The following ADARB2 variants were observed in gnomAD, a reference collection of about 807,000 sequenced individuals.
The protein encoded by ADARB2 is inactive double-stranded RNA-specific editase B2.
A neutral mutation model predicts 62.2 loss-of-function variants in ADARB2; 25 were observed. The ratio of observed to expected loss-of-function variants is 0.40; its 90% CI spans 0.29 to 0.56. The LOEUF (loss-of-function observed/expected upper bound fraction) is 0.56, where lower values mean the gene tolerates loss of function less well. Ranked by LOEUF, ADARB2 falls within the 20% of genes least tolerant of loss-of-function variation. ADARB2 has a pLI of 0.43. For missense variants in ADARB2, 1,071 were observed against 1,077.4 expected (o/e 0.99, Z 0.08); for synonymous variants, 572 against 500.8 (o/e 1.14, Z -1.90).
intron 1 of ADARB2, among the ~76,000 whole-genome samples, chr10:1,639,710 C>CG (rs1564354935): frequency 6.6e-6 from 1 of 152,066 alleles, no homozygotes; most frequent in Non-Finnish European, 1.5e-5. Context: ...GGTGTGGTGG[C>CG]GGGCGCCTGT....
chr10:1,414,196 A>G (rs1832782776), intron 1 of ADARB2, among the ~76,000 whole-genome samples: 3 of 152,238 alleles, frequency 2.0e-5, no homozygotes, highest in Non-Finnish European at 1.5e-5. Context: ...TGGGGGGAAT[A>G]CAGTAAGCAC....
At chr10:1,355,065 A>G (rs1048287973) in intron 3 of ADARB2, among the ~76,000 whole-genome samples, 1 of 152,006 alleles carries the variant, frequency 6.6e-6, no homozygotes, top group South Asian at 2.1e-4. Context: ...GTCTCCAACC[A>G]CCAGGACATG....
intron 1 of ADARB2, among the ~76,000 whole-genome samples, chr10:1,379,497 G>C (rs1003783960): frequency 5.3e-5 from 8 of 152,288 alleles, no homozygotes; most frequent in Non-Finnish European, 1.2e-4. Flanking sequence ...GCCTTCTGTC[G>C]AGATCATTTC....
chr10:1,541,423 A>C (rs1472906554), intron 1 of ADARB2, among the ~76,000 whole-genome samples: 1 of 85,864 alleles, frequency 1.2e-5, no homozygotes, highest in Non-Finnish European at 2.3e-5. Flanking sequence ...GACCCCACTC[A>C]GACGCAGTTC....
At chr10:1,197,895 GGCTA>G (rs1222939909) in intron 8 of ADARB2, among the ~76,000 whole-genome samples, 1 of 152,108 alleles carries the variant, frequency 6.6e-6, no homozygotes, top group Non-Finnish European at 1.5e-5. Flanking sequence ...CTGTCAAAGT[GGCTA>G]TTTCATCTCA....
intron 4 of ADARB2, among the ~76,000 whole-genome samples, chr10:1,266,615 C>T (rs1831206601): frequency 6.6e-6 from 1 of 152,030 alleles, no homozygotes; most frequent in Admixed American, 6.5e-5. Flanking sequence ...GAAGGACCAG[C>T]CGGCCACCAC....
chr10:1,523,790 T>A (rs371573332), intron 1 of ADARB2, among the ~76,000 whole-genome samples: 3 of 152,346 alleles, frequency 2.0e-5, no homozygotes, highest in South Asian at 4.1e-4. Flanking sequence ...TCAGCACAAA[T>A]CTTGAACATT....
intron 1 of ADARB2, among the ~76,000 whole-genome samples, chr10:1,504,861 G>T (rs186997474): frequency 1.3e-5 from 2 of 152,010 alleles, no homozygotes; most frequent in African/African-American, 2.4e-5. Flanking sequence ...AATTACTCTG[G>T]ACTGAAATCC....
chr10:1,242,359 G>C, intron 4 of ADARB2, 60 bp from the exon 5 acceptor site: 2 of 1,485,838 alleles, frequency 1.3e-6, no homozygotes, highest in South Asian at 2.5e-5. Context: ...CCTCCTCCTC[G>C]GTCTTTTCAG....
chr10:1,411,204 G>C lies in ADARB2; in HGVS notation c.101-32044C>G, dbSNP rs140981424. 3.9e-3 allele frequency among the ~76,000 whole-genome samples: 597 copies of C among 152,314 alleles called. 1 individual carries two copies. The highest frequency in any genetic ancestry group is 0.013 in the African/African-American group (556 of 41,580). On this transcript the variant is annotated intron_variant, in intron 1 of 9. Coordinates refer to ENST00000381312, the MANE Select transcript of ADARB2 (RefSeq NM_018702.4). ...CCTCCGTGGGCCTAGAGAATCTCAG[G>C]GGCCTGGTTCAGGCCTTCTGCACCT... is the stretch of plus-strand genomic sequence containing the variant.
rs1169571227 is a variant in ADARB2 at position 1,183,228 on chromosome 10, G to T, written c.2185C>A (p.Pro729Thr). ...KAGLGTWVRK[P>T]PEQQQFLLTL ...AGTAGAAACTGCTGCTGCTCCGGTG[G>T]TTTCCTCACCCAGGTGCCCAGGCCA... Residue 729 changes from proline (P) to threonine (T), a missense_variant, in exon 10 of 10, where the codon CCA becomes ACA. Transcript: ENST00000381312. The T allele has an allele frequency of 6.2e-7, 1 of 1,613,676 alleles. No homozygotes were observed. The highest frequency in any genetic ancestry group is 8.5e-7 in the Non-Finnish European group (1 of 1,180,026).
intron 1 of ADARB2, among the ~76,000 whole-genome samples, chr10:1,532,593 C>T (rs1832260518): frequency 6.6e-6 from 1 of 152,144 alleles, no homozygotes; most frequent in South Asian, 2.1e-4. Context: ...GCATTGGGTG[C>T]TGCCCCAGTG....
At chr10:1,411,925 C>T (rs1832763305) in intron 1 of ADARB2, among the ~76,000 whole-genome samples, 1 of 152,186 alleles carries the variant, frequency 6.6e-6, no homozygotes, top group African/African-American at 2.4e-5. Context: ...ACATAAAGAC[C>T]TGAAAACTGC....
At chr10:1,516,482 T>A (rs557771585) in intron 1 of ADARB2, among the ~76,000 whole-genome samples, 2 of 152,178 alleles carry the variant, frequency 1.3e-5, no homozygotes, top group Admixed American at 1.3e-4. Flanking sequence ...TTGTGTGGGC[T>A]GCTCTGTGCT....
chr10:1,627,313 C>T (rs900449107), intron 1 of ADARB2, among the ~76,000 whole-genome samples: 5 of 152,130 alleles, frequency 3.3e-5, no homozygotes, highest in Non-Finnish European at 7.4e-5. Flanking sequence ...AGAGCAGGGC[C>T]CATCTGTGCA....
At chr10:1,696,210 C>T (rs895503914) in intron 1 of ADARB2, among the ~76,000 whole-genome samples, 1 of 151,816 alleles carries the variant, frequency 6.6e-6, no homozygotes, top group Non-Finnish European at 1.5e-5. Context: ...CGTTTATATG[C>T]CTGTGTATAT....
intron 3 of ADARB2, among the ~76,000 whole-genome samples, chr10:1,331,196 T>G (rs939420659): frequency 9.2e-5 from 14 of 152,220 alleles, no homozygotes; most frequent in Non-Finnish European, 1.8e-4. Flanking sequence ...TGCAACCAGC[T>G]TGGAAATTTC....
chr10:1,576,330 G>A (rs1393624041), intron 1 of ADARB2, among the ~76,000 whole-genome samples: 2 of 149,304 alleles, frequency 1.3e-5, no homozygotes, highest in African/African-American at 5.0e-5. Context: ...GGGTCTCAGG[G>A]TCACAGGATG....
chr10:1,228,286 T>G (rs1006478383), intron 6 of ADARB2, among the ~76,000 whole-genome samples: 6 of 152,214 alleles, frequency 3.9e-5, no homozygotes, highest in African/African-American at 1.2e-4. Context: ...GAACTGAGTT[T>G]ACCAGGTTAT....
Sources: gnomAD v4.1 joint callset for allele counts (sites outside exome capture counted in the v4.1 genomes callset) on GRCh38, gnomAD v4.1.1 for gene constraint, MANE v1.5 for transcripts, NCBI Gene and HGNC (gene_info 2026-07-23, HGNC 2026-07-21) for gene names.